The following MAD1L1 variants were observed in gnomAD, a reference collection of about 807,000 sequenced individuals.
MAD1L1 encodes the protein mitotic arrest deficient 1 like 1.
A neutral mutation model predicts 96.9 loss-of-function variants in MAD1L1; 95 were observed. That is an observed-to-expected ratio of 0.98 (90% CI 0.83 to 1.16). MAD1L1 has a LOEUF of 1.16. MAD1L1 is among the 50% of genes most tolerant of loss of function. The pLI is 0.00. For synonymous variants in MAD1L1, 473 were observed against 396.6 expected (o/e 1.19, Z -2.29); for missense variants, 1,007 against 954.4 (o/e 1.06, Z -0.73).
chr7:1,886,241 G>A (rs1786017813), intron 18 of MAD1L1, among the ~76,000 whole-genome samples: 2 of 152,228 alleles, frequency 1.3e-5, no homozygotes, highest in African/African-American at 4.8e-5. Context: ...ACCCCTCCAA[G>A]AGCCTGGAGT....
At chr7:2,167,391 C>G (rs574633892) in intron 10 of MAD1L1, among the ~76,000 whole-genome samples, 1 of 151,442 alleles carries the variant, frequency 6.6e-6, no homozygotes, top group Non-Finnish European at 1.5e-5. Context: ...ACTAAAAATA[C>G]AAAAAAAATT....
intron 18 of MAD1L1, among the ~76,000 whole-genome samples, chr7:1,828,357 G>C (rs907119892): frequency 2.0e-5 from 3 of 152,176 alleles, no homozygotes; most frequent in Non-Finnish European, 4.4e-5. Context: ...GAGCCAGGGC[G>C]CCGAAAAGAG....
chr7:2,118,845 G>A (rs114238549), intron 11 of MAD1L1, among the ~76,000 whole-genome samples: 45 of 152,286 alleles, frequency 3.0e-4, no homozygotes, highest in African/African-American at 9.6e-4. Flanking sequence ...GCGCAGACAC[G>A]TCCCTAGCAT....
chr7:2,094,486 G>A (rs760070712), intron 11 of MAD1L1, among the ~76,000 whole-genome samples: 5 of 152,344 alleles, frequency 3.3e-5, no homozygotes, highest in Admixed American at 6.5e-5. Flanking sequence ...GGGAAAAAGT[G>A]ACAGCAAGAC....
chr7:2,231,040 G>C (rs999257620), intron 1 of MAD1L1, among the ~76,000 whole-genome samples: 2 of 152,198 alleles, frequency 1.3e-5, no homozygotes, highest in Non-Finnish European at 2.9e-5. Flanking sequence ...TGCCCAGGCA[G>C]GGTGGTTCAC....
intron 17 of MAD1L1, among the ~76,000 whole-genome samples, chr7:1,922,901 C>T (rs182350054): frequency 7.0e-4 from 106 of 152,336 alleles, no homozygotes; most frequent in Non-Finnish European, 1.1e-3. Context: ...GGCGAGCTGA[C>T]GCGATGGATT....
Position 2,216,195 on chromosome 7 carries a change from C to G in MAD1L1, c.771G>C (p.Arg257=), listed in dbSNP as rs933299725. 6.2e-7 allele frequency: 1 copy of G among 1,613,922 alleles called. No homozygotes were observed. The highest frequency in any genetic ancestry group is 8.5e-7 in the Non-Finnish European group (1 of 1,180,030). Residue 257 remains arginine (R), a synonymous_variant, in exon 8 of 19, where the codon CGG becomes CGC. Coordinates refer to ENST00000265854, the MANE Select transcript of MAD1L1 (RefSeq NM_001013836.2). The part of the protein sequence containing the change: ...SELVRLPRLE[R]ELKQLREESA... The stretch of plus-strand genomic sequence containing the variant: ...TCTCCTCCCGCAGCTGCTTCAGCTC[C>G]CGTTCCAGCCTAGGGAGCCGTACCA...
At chr7:1,967,609 G>A (rs759008054) in intron 15 of MAD1L1, among the ~76,000 whole-genome samples, 16 of 152,248 alleles carry the variant, frequency 1.1e-4, no homozygotes, top group Non-Finnish European at 2.2e-4. Flanking sequence ...GCTCAGGACT[G>A]TGCTGCCAAG....
At chr7:2,010,762 AC>A (rs1782262014) in intron 13 of MAD1L1, among the ~76,000 whole-genome samples, 1 of 152,008 alleles carries the variant, frequency 6.6e-6, no homozygotes, top group South Asian at 2.1e-4. Flanking sequence ...GCTGGCGACT[AC>A]CCCGAGCCCA....
At chr7:2,107,570 C>A (rs1358541993) in intron 11 of MAD1L1, 3 of 152,474 alleles carry the variant, frequency 2.0e-5, no homozygotes, top group Non-Finnish European at 2.9e-5. Context: ...ACTGTGCCAG[C>A]CCTGCTGGCG....
At chr7:1,887,861 A>ACGTGTGTGTGTGGCTGCCCGGG (rs138793674) in intron 18 of MAD1L1, among the ~76,000 whole-genome samples, 3 of 132,146 alleles carry the variant, frequency 2.3e-5, no homozygotes, top group African/African-American at 8.7e-5. Flanking sequence ...GTGTGTGTGC[A>ACGTGTGTGTGTGGCTGCCCGGG]CGTGTGTGTG....
At chr7:2,172,275 G>C (rs372258972) in intron 10 of MAD1L1, among the ~76,000 whole-genome samples, 1 of 152,062 alleles carries the variant, frequency 6.6e-6, no homozygotes, top group East Asian at 1.9e-4. Context: ...CCATTCAACA[G>C]ACAAGCACAC....
intron 18 of MAD1L1, among the ~76,000 whole-genome samples, chr7:1,821,142 T>A (rs1782106750): frequency 6.7e-6 from 1 of 149,708 alleles, no homozygotes; most frequent in South Asian, 2.1e-4. Flanking sequence ...AATGGAAATA[T>A]TATAATAGAT....
At chr7:2,044,963 C>T (rs575395978) in intron 12 of MAD1L1, among the ~76,000 whole-genome samples, 3 of 152,306 alleles carry the variant, frequency 2.0e-5, no homozygotes, top group South Asian at 2.1e-4. Context: ...AACCATTCTC[C>T]GCACTTCACA....
At chr7:1,854,164 C>T (rs1463770361) in intron 18 of MAD1L1, among the ~76,000 whole-genome samples, 36 of 152,140 alleles carry the variant, frequency 2.4e-4, no homozygotes, top group Admixed American at 2.2e-3. Context: ...CCTCCACCCC[C>T]GCCCCAGGCT....
intron 15 of MAD1L1, among the ~76,000 whole-genome samples, chr7:1,977,913 G>T (rs989560723): frequency 6.6e-6 from 1 of 152,262 alleles, no homozygotes. Flanking sequence ...CAACTCCCCA[G>T]ATTTAAGAAC....
chr7:2,062,341 C>T (rs1447001184), intron 12 of MAD1L1, among the ~76,000 whole-genome samples: 1 of 150,782 alleles, frequency 6.6e-6, no homozygotes, highest in African/African-American at 2.4e-5. Flanking sequence ...GATTGGGAGG[C>T]CGAAGTAGGG....
chr7:1,993,716 C>T (rs1208516049), intron 14 of MAD1L1, among the ~76,000 whole-genome samples: 2 of 152,172 alleles, frequency 1.3e-5, no homozygotes, highest in South Asian at 4.1e-4. Flanking sequence ...TACAAGGTAA[C>T]GACATTAAAT....
At chr7:1,864,605 G>A (rs1046131697) in intron 18 of MAD1L1, among the ~76,000 whole-genome samples, 17 of 152,348 alleles carry the variant, frequency 1.1e-4, no homozygotes, top group South Asian at 8.3e-4. Flanking sequence ...CTGCTGCAGC[G>A]GTGCCCTTCC....
Sources: allele counts gnomAD v4.1 joint callset (sites outside exome capture counted in the v4.1 genomes callset), GRCh38; gene constraint gnomAD v4.1.1; transcripts MANE v1.5; gene names NCBI Gene and HGNC (gene_info 2026-07-23, HGNC 2026-07-21).